Variants in ABCD3 observed in about 807,000 individuals in gnomAD.
The protein encoded by ABCD3 is ATP-binding cassette sub-family D member 3.
In ABCD3, 41 loss-of-function variants were observed where a neutral mutation model predicts 105.5. That is an observed-to-expected ratio of 0.39 (90% CI 0.30 to 0.50). The LOEUF is 0.50. ABCD3 is among the 20% of genes least tolerant of loss of function. The pLI is 0.84. For synonymous variants in ABCD3, 258 were observed against 269.0 expected, an observed-to-expected ratio of 0.96 and a Z score of 0.40; for missense variants, 622 against 806.3, an observed-to-expected ratio of 0.77 and a Z score of 2.77.
intron 22 of ABCD3, among the ~76,000 whole-genome samples, chr1:94,515,881 C>T (rs1316342474): frequency 7.0e-6 from 1 of 143,834 alleles, no homozygotes; most frequent in Admixed American, 7.0e-5. Flanking sequence ...TTCTGTCTTT[C>T]CCCCTTCCCT....
At chr1:94,464,583 G>T (rs1426773580) in intron 2 of ABCD3, among the ~76,000 whole-genome samples, 192 bp from the exon 3 acceptor site, 1 of 151,870 alleles carries the variant, frequency 6.6e-6, no homozygotes, top group Non-Finnish European at 1.5e-5. Flanking sequence ...TCCTTATTCA[G>T]TTTTTAGATA....
intron 20 of ABCD3, among the ~76,000 whole-genome samples, chr1:94,501,075 AGT>A (rs1469841196): frequency 6.6e-6 from 1 of 152,052 alleles, no homozygotes; most frequent in South Asian, 2.1e-4. Flanking sequence ...ACCAAGGAAC[AGT>A]GTGTGTGTGG....
intron 1 of ABCD3, chr1:94,455,689 G>T (rs974530534): frequency 3.1e-5 from 15 of 481,276 alleles, no homozygotes; most frequent in African/African-American, 2.6e-4. Context: ...ATGTGTTCAG[G>T]CCAATTGAAG....
chr1:94,445,210 A>G lies in ABCD3; in HGVS notation c.111-13397A>G, dbSNP rs549982645. Among the ~76,000 whole-genome samples, 42 of 152,080 alleles carry G rather than the reference A, an allele frequency of 2.8e-4. No individual in the cohort carries two copies. The South Asian group carries it at 8.7e-3, about 32-fold the overall frequency. ...AAGGCTGTGAGACCCCTGATTGCCC[A>G]CTCCACACTCTATATTTCTGTGTGT... On this transcript the variant is annotated intron_variant, in intron 1 of 22. Transcript: ENST00000370214.
intron 1 of ABCD3, among the ~76,000 whole-genome samples, chr1:94,436,298 A>T (rs953058859): frequency 1.5e-4 from 23 of 152,202 alleles, no homozygotes; most frequent in Admixed American, 6.5e-4. Context: ...CAAACTGATA[A>T]TCCTGATTCT....
intron 1 of ABCD3, among the ~76,000 whole-genome samples, chr1:94,437,457 C>T (rs922978842): frequency 2.6e-5 from 4 of 152,180 alleles, no homozygotes; most frequent in South Asian, 2.1e-4. Context: ...GATAGCAGCA[C>T]GTCTGTTTAC....
At chr1:94,397,307 G>A in the ABCD3 span, among the ~76,000 whole-genome samples, 9 of 152,088 alleles carry the variant, frequency 5.9e-5, no homozygotes, top group Non-Finnish European at 1.0e-4. Context: ...TTTCCCCAGC[G>A]TTTCCACTTA....
At chr1:94,389,559 T>C in the ABCD3 span, among the ~76,000 whole-genome samples, 2 of 152,264 alleles carry the variant, frequency 1.3e-5, no homozygotes, top group Admixed American at 6.5e-5. Context: ...ATACTTCTAG[T>C]TAATCCATAA....
chr1:94,505,404 G>A (rs1650305513), intron 20 of ABCD3, among the ~76,000 whole-genome samples: 1 of 147,572 alleles, frequency 6.8e-6, no homozygotes, highest in Admixed American at 6.8e-5. Flanking sequence ...TAAGAGATGT[G>A]GTTTCCCTGT....
intron 1 of ABCD3, among the ~76,000 whole-genome samples, chr1:94,433,966 A>G (rs984171860): frequency 6.6e-6 from 1 of 152,184 alleles, no homozygotes; most frequent in African/African-American, 2.4e-5. Context: ...ATGTCTTAAC[A>G]TAGAAAAGGT....
At chr1:94,419,744 A>G (rs1659183259) in intron 1 of ABCD3, among the ~76,000 whole-genome samples, 1 of 152,110 alleles carries the variant, frequency 6.6e-6, no homozygotes. Context: ...TTCTGTTTTT[A>G]TCTTACTAGA....
chr1:94,468,547 A>G (rs1648275599), intron 4 of ABCD3, among the ~76,000 whole-genome samples: 1 of 152,196 alleles, frequency 6.6e-6, no homozygotes, highest in African/African-American at 2.4e-5. Flanking sequence ...AAACGTAAAA[A>G]ATGTCAGTTG....
At chr1:94,396,610 T>TGCGC in the ABCD3 span, among the ~76,000 whole-genome samples, 152 of 144,080 alleles carry the variant, frequency 1.1e-3, 1 homozygote, top group African/African-American at 3.1e-3. Context: ...TGTGTGTGTG[T>TGCGC]GCGCGCGCGC....
At chr1:94,453,057 G>A (rs1647337760) in intron 1 of ABCD3, among the ~76,000 whole-genome samples, 1 of 152,110 alleles carries the variant, frequency 6.6e-6, no homozygotes, top group African/African-American at 2.4e-5. Context: ...AAGTGCAGGT[G>A]TGAGCCCGCC....
upstream of ABCD3, among the ~76,000 whole-genome samples, chr1:94,418,265 C>T (rs1399717999): frequency 2.6e-5 from 4 of 152,174 alleles, no homozygotes; most frequent in Admixed American, 1.3e-4. Context: ...ACTGTTCCGC[C>T]CACGGAGGCT....
intron 11 of ABCD3, 36 bp from the exon 12 acceptor site, chr1:94,487,658 C>G: frequency 6.2e-7 from 1 of 1,612,404 alleles, no homozygotes; most frequent in Non-Finnish European, 8.5e-7. Flanking sequence ...AGGTGAAATA[C>G]TGTTACTGTT....
chr1:94,481,582 T>G (rs531089715), intron 9 of ABCD3: 20 of 152,402 alleles, frequency 1.3e-4, no homozygotes, highest in Admixed American at 9.8e-4. Context: ...GCTCTGGCTC[T>G]CTGGTGTTCT....
intron 8 of ABCD3, 23 bp from the exon 9 acceptor site, chr1:94,480,441 T>A (rs1273786012): frequency 6.2e-7 from 1 of 1,613,574 alleles, no homozygotes; most frequent in Non-Finnish European, 8.5e-7. Flanking sequence ...ACTTTGTGTA[T>A]CTTTCTCTCC....
At chr1:94,466,702 T>C (rs564618019) in intron 3 of ABCD3, among the ~76,000 whole-genome samples, 1 of 152,364 alleles carries the variant, frequency 6.6e-6, no homozygotes, top group Admixed American at 6.5e-5. Flanking sequence ...GAAGAATCCT[T>C]ATTTAAAATA....
Sources: allele counts gnomAD v4.1 joint callset (sites outside exome capture counted in the v4.1 genomes callset), GRCh38; gene constraint gnomAD v4.1.1; transcripts MANE v1.5; gene names NCBI Gene and HGNC (gene_info 2026-07-23, HGNC 2026-07-21).